Variants in ZNF804A observed in about 807,000 individuals in gnomAD.
ZNF804A encodes zinc finger protein 804A.
A neutral mutation model predicts 16.5 loss-of-function variants in ZNF804A; 2 were observed. That is an observed-to-expected ratio of 0.12 (90% CI 0.05 to 0.38). The LOEUF is 0.38. Ranked by LOEUF, ZNF804A falls within the 10% of genes least tolerant of loss-of-function variation. The probability of loss-of-function intolerance (pLI) is 0.99; values close to 1 mark genes in which losing one functional copy is unlikely to be tolerated. For missense variants in ZNF804A, 1,473 were observed against 1,390.7 expected (o/e 1.06, Z -0.94); for synonymous variants, 534 against 489.6 (o/e 1.09, Z -1.20).
intron 1 of ZNF804A, among the ~76,000 whole-genome samples, chr2:184,736,177 C>A (rs935096243): frequency 6.6e-6 from 1 of 152,060 alleles, no homozygotes; most frequent in African/African-American, 2.4e-5. Flanking sequence ...TGATTGCTTA[C>A]AGGATGAAAA....
rs187721439 is a variant in ZNF804A, at chr2:184,716,688, A to C, written c.111+117618A>C. ...AATAACTTTTAGTTATTTGAATTTT[A>C]ATACTACCCAAGACAAATATTATAT... On this transcript the variant is annotated intron_variant, in intron 1 of 3. Transcript: ENST00000302277. Among the ~76,000 whole-genome samples, 11 of 152,266 alleles carry C rather than the reference A, an allele frequency of 7.2e-5. No homozygotes were observed. The East Asian group carries it at 2.1e-3, about 29-fold the overall frequency.
At chr2:184,809,010 A>G (rs1392352167) in intron 1 of ZNF804A, among the ~76,000 whole-genome samples, 4 of 151,820 alleles carry the variant, frequency 2.6e-5, no homozygotes, top group Admixed American at 2.6e-4. Context: ...TCCAGTCTCA[A>G]TGCAATCAGA....
intron 1 of ZNF804A, among the ~76,000 whole-genome samples, chr2:184,768,901 G>A (rs1412150965): frequency 6.6e-6 from 1 of 151,984 alleles, no homozygotes; most frequent in Non-Finnish European, 1.5e-5. Context: ...GTACCCTTTA[G>A]TCGATTTTGT....
At chr2:184,685,476 C>T (rs1692613748) in intron 1 of ZNF804A, among the ~76,000 whole-genome samples, 2 of 152,018 alleles carry the variant, frequency 1.3e-5, no homozygotes, top group African/African-American at 4.8e-5. Context: ...TTTGTAGGGT[C>T]CTGAGTTCTT....
intron 1 of ZNF804A, among the ~76,000 whole-genome samples, chr2:184,776,508 A>G: frequency 6.6e-6 from 1 of 150,510 alleles, no homozygotes; most frequent in East Asian, 2.0e-4. Context: ...ACCTCTGTGT[A>G]AAAGTTAGTA....
intron 1 of ZNF804A, among the ~76,000 whole-genome samples, chr2:184,817,938 G>T (rs186590239): frequency 6.6e-6 from 1 of 151,978 alleles, no homozygotes; most frequent in Non-Finnish European, 1.5e-5. Context: ...ACAGATTGGG[G>T]TACCTGAAAG....
At chr2:184,630,476 A>T (rs1691588054) in intron 1 of ZNF804A, among the ~76,000 whole-genome samples, 1 of 152,198 alleles carries the variant, frequency 6.6e-6, no homozygotes, top group African/African-American at 2.4e-5. Flanking sequence ...TCTCAGAAGA[A>T]ATATTTTATA....
At chr2:184,866,719 C>T (rs1224778344) in intron 2 of ZNF804A, among the ~76,000 whole-genome samples, 2 of 147,724 alleles carry the variant, frequency 1.4e-5, no homozygotes, top group Non-Finnish European at 1.5e-5. Context: ...ATAGCAAAGT[C>T]TGAAATAATC....
intron 1 of ZNF804A, among the ~76,000 whole-genome samples, chr2:184,754,459 T>C (rs942501291): frequency 2.0e-5 from 3 of 151,946 alleles, no homozygotes; most frequent in African/African-American, 7.2e-5. Context: ...ATGCTCCTTG[T>C]CACTGTTCAC....
intron 1 of ZNF804A, among the ~76,000 whole-genome samples, chr2:184,777,789 TC>T (rs1694311628): frequency 1.3e-5 from 2 of 151,642 alleles, no homozygotes; most frequent in Admixed American, 1.3e-4. Context: ...CTTTAGAGTT[TC>T]CCATAGCCTT....
intron 1 of ZNF804A, among the ~76,000 whole-genome samples, chr2:184,700,479 A>G (rs989939522): frequency 5.9e-5 from 9 of 152,088 alleles, no homozygotes; most frequent in Admixed American, 4.6e-4. Flanking sequence ...CAAAGTGATG[A>G]AAGTTAAAAA....
chr2:184,865,996 A>G (rs1695872213), intron 1 of ZNF804A, among the ~76,000 whole-genome samples: 1 of 152,182 alleles, frequency 6.6e-6, no homozygotes, highest in Non-Finnish European at 1.5e-5. Flanking sequence ...CATGTTCAGA[A>G]TAGAAAAATT....
At chr2:184,660,615 T>A (rs1018984215) in intron 1 of ZNF804A, among the ~76,000 whole-genome samples, 1 of 152,212 alleles carries the variant, frequency 6.6e-6, no homozygotes, top group Non-Finnish European at 1.5e-5. Context: ...TCATACTATG[T>A]CAAATGTCCT....
chr2:184,696,679 C>T (rs1338020256), intron 1 of ZNF804A, among the ~76,000 whole-genome samples: 1 of 152,044 alleles, frequency 6.6e-6, no homozygotes, highest in Non-Finnish European at 1.5e-5. Context: ...TATAAATTAA[C>T]ATATGGTTTT....
In ZNF804A at chr2:184,696,898, A is replaced by G. The variant is rs181123931; in HGVS notation, c.111+97828A>G. Among the ~76,000 whole-genome samples, 648 of 152,156 alleles carry G rather than the reference A, an allele frequency of 4.3e-3. 6 individuals carry two copies. The highest frequency in any genetic ancestry group is 0.015 in the African/African-American group (615 of 41,550). On this transcript the variant is annotated intron_variant, in intron 1 of 3. Transcript: ENST00000302277. The stretch of plus-strand genomic sequence containing the variant: ...AATATTTGCTTGTTGCAAGTAATTT[A>G]AAAATGTAGAAACAAATGTAACGAA...
chr2:184,842,432 A>C lies in ZNF804A; in HGVS notation c.112-23937A>C, dbSNP rs572789690. Among the ~76,000 whole-genome samples the C allele has an allele frequency of 6.6e-5, 10 of 152,254 alleles. No homozygotes were observed. The East Asian group carries it at 1.9e-3, about 29-fold the overall frequency. On this transcript the variant is annotated intron_variant, in intron 1 of 3. Coordinates refer to ENST00000302277, the MANE Select transcript of ZNF804A (RefSeq NM_194250.2). ...CTTTTTGAGAAAATATTTTCTAAAA[A>C]TTCACAAAGCTAGAAGTTTTGAGAA...
At chr2:184,620,821 G>T (rs974881463) in intron 1 of ZNF804A, among the ~76,000 whole-genome samples, 12 of 151,642 alleles carry the variant, frequency 7.9e-5, no homozygotes, top group Non-Finnish European at 1.5e-4. Context: ...GATTTCATTA[G>T]TTGTAAACTT....
At chr2:184,738,949 A>G (rs1004814875) in intron 1 of ZNF804A, among the ~76,000 whole-genome samples, 3 of 152,234 alleles carry the variant, frequency 2.0e-5, no homozygotes, top group Non-Finnish European at 4.4e-5. Flanking sequence ...CAGTTAATTT[A>G]TTATCTTTGG....
At chr2:184,620,070 T>A (rs1369553173) in intron 1 of ZNF804A, among the ~76,000 whole-genome samples, 1 of 151,772 alleles carries the variant, frequency 6.6e-6, no homozygotes, top group Non-Finnish European at 1.5e-5. Context: ...AGATTATGAA[T>A]AATATGATAA....
Sources: allele counts gnomAD v4.1 joint callset (sites outside exome capture counted in the v4.1 genomes callset), GRCh38; gene constraint gnomAD v4.1.1; transcripts MANE v1.5; gene names NCBI Gene and HGNC (gene_info 2026-07-23, HGNC 2026-07-21).